Variants in ARNT2 observed in about 807,000 individuals in gnomAD.
ARNT2 encodes aryl hydrocarbon receptor nuclear translocator 2, also known as ARNT protein 2.
A neutral mutation model predicts 91.7 loss-of-function variants in ARNT2; 36 were observed. That is an observed-to-expected ratio of 0.39 (90% confidence interval 0.30 to 0.52). The LOEUF is 0.52. Ranked by LOEUF, ARNT2 falls within the 20% of genes least tolerant of loss-of-function variation. The pLI, the probability that ARNT2 is intolerant of heterozygous loss-of-function variation, is 0.72. For synonymous variants in ARNT2, 365 were observed against 347.1 expected, an observed-to-expected ratio of 1.05 and a Z score of -0.57; for missense variants, 775 against 939.3, an observed-to-expected ratio of 0.83 and a Z score of 2.29.
intron 1 of ARNT2, among the ~76,000 whole-genome samples, chr15:80,411,455 A>T (rs555210213): frequency 6.6e-6 from 1 of 152,340 alleles, no homozygotes; most frequent in Admixed American, 6.5e-5. Flanking sequence ...GAAAGCATAT[A>T]TCCTATATTT....
intron 8 of ARNT2, among the ~76,000 whole-genome samples, chr15:80,528,369 T>TCTAC (rs1453664330): frequency 9.5e-6 from 1 of 105,810 alleles, no homozygotes; most frequent in Non-Finnish European, 2.1e-5. Flanking sequence ...TGACCATTTA[T>TCTAC]CTATCTATCT....
intron 17 of ARNT2, among the ~76,000 whole-genome samples, chr15:80,581,938 C>G (rs1898806119): frequency 6.6e-6 from 1 of 152,188 alleles, no homozygotes; most frequent in African/African-American, 2.4e-5. Context: ...AAGGAACCTC[C>G]TCAGCATGTC....
In ARNT2 at chr15:80,583,006, C is replaced by G. The variant is rs1898827132; in HGVS notation, c.1918+1602C>G. ...CTAGTCCTTCCCGGAAGCCCAGGGA[C>G]CATCTGGCACCGATCTACTCAAAAA... is the stretch of plus-strand genomic sequence containing the variant. On this transcript the variant is annotated intron_variant, in intron 17 of 18. Transcript: ENST00000303329. 2.6e-5 allele frequency among the ~76,000 whole-genome samples: 4 copies of G among 152,190 alleles called. No individual in the cohort carries two copies. The South Asian group carries it at 8.3e-4, about 32-fold the overall frequency.
At chr15:80,543,653 TTCTA>T (rs1295561574) in intron 8 of ARNT2, among the ~76,000 whole-genome samples, 2 of 152,260 alleles carry the variant, frequency 1.3e-5, no homozygotes, top group East Asian at 1.9e-4. Context: ...TTTTATTACT[TTCTA>T]TCTTTCATTT....
intron 1 of ARNT2, among the ~76,000 whole-genome samples, chr15:80,410,371 G>A (rs1252633537): frequency 1.3e-5 from 2 of 152,170 alleles, no homozygotes; most frequent in Non-Finnish European, 1.5e-5. Flanking sequence ...CCAACACCTG[G>A]GTGGTTGGAG....
Position 80,504,118 on chromosome 15 carries a change from C to T in ARNT2, c.623-4038C>T, listed in dbSNP as rs1039561881. On this transcript the variant is annotated intron_variant, in intron 5 of 18. Transcript: ENST00000303329. ...CCTTCCTCCATTTGGAGCAGTGGGACGCAGGCTTGGGGAGGGTGACTTCTT... is the reference window on the plus strand; with the variant it reads ...CCTTCCTCCATTTGGAGCAGTGGGATGCAGGCTTGGGGAGGGTGACTTCTT... 1.1e-4 allele frequency among the ~76,000 whole-genome samples: 17 copies of T among 152,312 alleles called. 2 individuals carry two copies. The highest frequency in any genetic ancestry group is 2.0e-4 in the Admixed American group (3 of 15,304).
chr15:80,575,379 T>A (rs571385761), intron 14 of ARNT2, among the ~76,000 whole-genome samples: 5 of 152,196 alleles, frequency 3.3e-5, no homozygotes, highest in Non-Finnish European at 5.9e-5. Flanking sequence ...ATTGTAGGAA[T>A]GAGATGGGTA....
chr15:80,428,351 G>A (rs181112426), intron 1 of ARNT2, among the ~76,000 whole-genome samples: 2 of 152,352 alleles, frequency 1.3e-5, no homozygotes, highest in East Asian at 1.9e-4. Flanking sequence ...TATATGTGGT[G>A]CATAATTTAC....
chr15:80,494,799 T>A (rs997588533), intron 5 of ARNT2, among the ~76,000 whole-genome samples: 2 of 152,234 alleles, frequency 1.3e-5, no homozygotes, highest in South Asian at 4.1e-4. Context: ...CTCTGCCCGT[T>A]GGTATGGACT....
intron 4 of ARNT2, among the ~76,000 whole-genome samples, chr15:80,471,569 G>C (rs1163036092): frequency 6.6e-6 from 1 of 152,206 alleles, no homozygotes; most frequent in African/African-American, 2.4e-5. Context: ...GGCAGCAGTA[G>C]TGATAATAGT....
intron 12 of ARNT2, among the ~76,000 whole-genome samples, chr15:80,573,811 A>T (rs1898623033): frequency 6.6e-6 from 1 of 152,254 alleles, no homozygotes; most frequent in Non-Finnish European, 1.5e-5. Context: ...GCTAAGTGTT[A>T]GCTGAAGCCA....
chr15:80,582,810 C>T (rs1898823219), intron 17 of ARNT2, among the ~76,000 whole-genome samples: 1 of 152,218 alleles, frequency 6.6e-6, no homozygotes, highest in African/African-American at 2.4e-5. Flanking sequence ...CAGCCAGGCA[C>T]TCAGCACGGT....
chr15:80,557,510 C>T (rs188144137), intron 11 of ARNT2, among the ~76,000 whole-genome samples: 10 of 152,110 alleles, frequency 6.6e-5, no homozygotes, highest in Admixed American at 1.3e-4. Context: ...GGGTACTGGC[C>T]TTAACACCTG....
chr15:80,538,203 A>G (rs1294983611), intron 8 of ARNT2, among the ~76,000 whole-genome samples: 1 of 152,244 alleles, frequency 6.6e-6, no homozygotes, highest in African/African-American at 2.4e-5. Flanking sequence ...CACCTTTTGC[A>G]TTATACCTTT....
At chr15:80,433,151 T>A (rs1452643526) in intron 1 of ARNT2, among the ~76,000 whole-genome samples, 1 of 151,952 alleles carries the variant, frequency 6.6e-6, no homozygotes, top group Non-Finnish European at 1.5e-5. Context: ...TGGAAGGATA[T>A]GTGAGTTCCT....
intron 17 of ARNT2, among the ~76,000 whole-genome samples, chr15:80,588,101 G>A (rs913612158): frequency 2.0e-5 from 3 of 152,160 alleles, no homozygotes; most frequent in Admixed American, 6.5e-5. Flanking sequence ...GAGAATGGAG[G>A]AAAGCAGGTA....
chr15:80,458,727 G>T (rs1381363243), intron 3 of ARNT2, among the ~76,000 whole-genome samples: 3 of 151,948 alleles, frequency 2.0e-5, no homozygotes, highest in African/African-American at 7.3e-5. Context: ...TGACAGGAAG[G>T]CACAAATCAT....
chr15:80,467,785 G>A (rs188087084), intron 3 of ARNT2, among the ~76,000 whole-genome samples: 41 of 152,256 alleles, frequency 2.7e-4, no homozygotes, highest in Non-Finnish European at 4.4e-4. Flanking sequence ...GGCCTTTCTT[G>A]CTGCACCTTG....
chr15:80,494,054 C>T lies in ARNT2; in HGVS notation c.623-14102C>T, dbSNP rs149378828. ...AGAAGCAGATGCTGGCACCATGCTT[C>T]TTATACAGCTTGCAGAACCATGAAC... is the stretch of plus-strand genomic sequence containing the variant. On this transcript the variant is annotated intron_variant, in intron 5 of 18. Transcript: ENST00000303329. 5.6e-3 allele frequency among the ~76,000 whole-genome samples: 854 copies of T among 152,282 alleles called. 6 individuals are homozygous for T. The highest frequency in any genetic ancestry group is 0.018 in the African/African-American group (767 of 41,550).
Sources: allele counts gnomAD v4.1 joint callset (sites outside exome capture counted in the v4.1 genomes callset), GRCh38; gene constraint gnomAD v4.1.1; transcripts MANE v1.5; gene names NCBI Gene and HGNC (gene_info 2026-07-23, HGNC 2026-07-21).